ANO4: variants seen among roughly 807,000 people sequenced by gnomAD.
ANO4 encodes the protein anoctamin-4.
A neutral mutation model predicts 141.9 loss-of-function variants in ANO4; 69 were observed. The observed-to-expected ratio is 0.49, with a 90% CI of 0.40 to 0.59. The LOEUF (loss-of-function observed/expected upper bound fraction) is 0.59, where lower values mean the gene tolerates loss of function less well. Among genes scored for constraint, ANO4 ranks in the 20% least tolerant of loss-of-function variants. The probability of loss-of-function intolerance (pLI) is 0.00; values close to 1 mark genes in which losing one functional copy is unlikely to be tolerated. For synonymous variants in ANO4, 350 were observed against 394.3 expected (o/e 0.89, Z 1.33); for missense variants, 894 against 1,162.2 (o/e 0.77, Z 3.36).
intron 5 of ANO4, among the ~76,000 whole-genome samples, chr12:100,963,524 G>C (rs919138724): frequency 6.6e-6 from 1 of 152,072 alleles, no homozygotes; most frequent in African/African-American, 2.4e-5. Flanking sequence ...GTGTGTGTAT[G>C]TGTTGCAGAG....
At chr12:101,014,534 A>G (rs956681213) in intron 8 of ANO4, among the ~76,000 whole-genome samples, 1 of 152,194 alleles carries the variant, frequency 6.6e-6, no homozygotes, top group Non-Finnish European at 1.5e-5. Context: ...CTTCACACAC[A>G]TGCACACAGG....
intron 1 of ANO4, among the ~76,000 whole-genome samples, chr12:100,728,831 A>G (rs766656265): frequency 2.6e-5 from 4 of 152,174 alleles, no homozygotes; most frequent in Non-Finnish European, 5.9e-5. Context: ...ATAGTGAACT[A>G]TAATATACAT....
intron 2 of ANO4, among the ~76,000 whole-genome samples, chr12:100,903,633 T>G (rs1190943849): frequency 6.6e-6 from 1 of 152,178 alleles, no homozygotes; most frequent in East Asian, 1.9e-4. Flanking sequence ...AAGAATTGGC[T>G]TTCATTGTGG....
At chr12:100,941,957 A>AAAAATTATT (rs1395992540) in intron 4 of ANO4, among the ~76,000 whole-genome samples, 2 of 143,154 alleles carry the variant, frequency 1.4e-5, no homozygotes, top group East Asian at 2.0e-4. Flanking sequence ...CAATGAAAAA[A>AAAAATTATT]ATTATTATTA....
Position 101,097,795 on chromosome 12 carries a change from C to T in ANO4, c.1909-53C>T. On this transcript the variant is annotated intron_variant, in intron 20 of 27. Coordinates refer to ENST00000392977, the MANE Select transcript of ANO4 (RefSeq NM_001286615.2). ...CTTTGTGTAGATTATAAACCAGACA[C>T]CCTTTCTTCCTCTCCATTGATTCTG... 2.5e-6 allele frequency: 4 copies of T among 1,606,118 alleles called. No homozygotes were observed. The South Asian group carries it at 3.3e-5, about 13-fold the overall frequency.
In ANO4 at chr12:100,721,331, G is replaced by C. The variant is rs58939399; in HGVS notation, c.22+3784G>C. Among the ~76,000 whole-genome samples, 645 of 152,326 alleles carry C rather than the reference G, an allele frequency of 4.2e-3. 13 individuals are homozygous for C. In the East Asian group the frequency reaches 0.055, roughly 13 times the overall value. On this transcript the variant is annotated intron_variant, in intron 1 of 29. Transcript: ENST00000644049. ...ACAGATGGCAGAGTCAGCTGGAGGA[G>C]ACAGACTCCTAAATGGAGAATTATA...
intron 5 of ANO4, among the ~76,000 whole-genome samples, chr12:100,951,280 C>A (rs1473768611): frequency 2.0e-5 from 3 of 152,134 alleles, no homozygotes; most frequent in Non-Finnish European, 4.4e-5. Flanking sequence ...TGTGGAGATT[C>A]TTCAAAGAGC....
At chr12:100,815,461 G>A (rs1429102779) in intron 1 of ANO4, among the ~76,000 whole-genome samples, 1 of 152,088 alleles carries the variant, frequency 6.6e-6, no homozygotes, top group Non-Finnish European at 1.5e-5. Context: ...AGATCTAAAA[G>A]TCATTGTTAG....
intron 24 of ANO4, among the ~76,000 whole-genome samples, chr12:101,114,090 CA>C (rs1408021188): frequency 1.3e-5 from 2 of 152,140 alleles, no homozygotes; most frequent in Non-Finnish European, 2.9e-5. Context: ...TGGTGGGTCA[CA>C]GTGAGGGTAT....
chr12:101,106,801 A>G (rs556727545), intron 22 of ANO4, among the ~76,000 whole-genome samples: 1 of 151,962 alleles, frequency 6.6e-6, no homozygotes, highest in Admixed American at 6.6e-5. Flanking sequence ...AGTTTGTTAT[A>G]TCATTCTTTA....
chr12:101,104,654 TATATATATATATATATAAATAA>T lies in ANO4; in HGVS notation c.2149+4936_2149+4957del, dbSNP rs1205254998. ...ATATATATATATATATATATATATA[TATATATATATATATATAAATAA>T]AAAGATTTACCTTATGCTCCTTTAT... On this transcript the variant is annotated intron_variant, in intron 22 of 27. Transcript: ENST00000392977. 1.8e-3 allele frequency among the ~76,000 whole-genome samples: 119 copies of T among 65,760 alleles called. 3 individuals are homozygous for T. In the East Asian group the frequency reaches 0.024, roughly 13 times the overall value. The allele number at this position is 65,760 out of a possible 152,430, so 43.1% of individuals were successfully genotyped here.
rs767939546 is a variant in ANO4 at position 100,773,958 on chromosome 12, G to A, written c.358+33853G>A. Among the ~76,000 whole-genome samples the A allele has an allele frequency of 7.9e-5, 12 of 152,084 alleles. 1 individual carries two copies. The highest frequency in any genetic ancestry group is 5.9e-4 in the Admixed American group (9 of 15,272). ...TTTGTAAATAAAACTTTATTGGAACGTAACCATGCTCATTTGTTTTCATAT... is the reference window on the plus strand; with the variant it reads ...TTTGTAAATAAAACTTTATTGGAACATAACCATGCTCATTTGTTTTCATAT... On this transcript the variant is annotated intron_variant, in intron 3 of 29. Transcript: ENST00000644049.
intron 1 of ANO4, among the ~76,000 whole-genome samples, chr12:100,728,750 C>T (rs978247210): frequency 6.6e-6 from 1 of 152,092 alleles, no homozygotes; most frequent in Non-Finnish European, 1.5e-5. Context: ...TTCCTAGGTA[C>T]TTTTACAGAA....
At chr12:100,806,568 A>T (rs2035067907) in intron 1 of ANO4, among the ~76,000 whole-genome samples, 2 of 39,410 alleles carry the variant, frequency 5.1e-5, no homozygotes, top group African/African-American at 1.1e-4. Context: ...TTTGTGAGAC[A>T]GAGTCTCGCT....
rs137872976 is a variant in ANO4, at chr12:101,113,639, A to C, written c.2450+1929A>C. ...CACTGGCCACTCTATTACTTTTCAGATTTTTTTTATTTTTCCAATTTAGAA... is the reference window on the plus strand; with the variant it reads ...CACTGGCCACTCTATTACTTTTCAGCTTTTTTTTATTTTTCCAATTTAGAA... On this transcript the variant is annotated intron_variant, in intron 24 of 27. Transcript: ENST00000392977. 1.2e-3 allele frequency among the ~76,000 whole-genome samples: 182 copies of C among 152,026 alleles called. 1 individual carries two copies. The highest frequency in any genetic ancestry group is 4.0e-3 in the African/African-American group (165 of 41,456).
At chr12:100,863,945 C>T (rs2038617135) in intron 1 of ANO4, among the ~76,000 whole-genome samples, 1 of 152,168 alleles carries the variant, frequency 6.6e-6, no homozygotes, top group Non-Finnish European at 1.5e-5. Flanking sequence ...AAAGAAAATT[C>T]CTTCAGGCAC....
chr12:101,075,345 G>A (rs945093480), intron 14 of ANO4, among the ~76,000 whole-genome samples: 1 of 152,074 alleles, frequency 6.6e-6, no homozygotes, highest in East Asian at 1.9e-4. Flanking sequence ...TATTCTATAG[G>A]TGATGTGGCT....
At chr12:101,108,425 G>A (rs1593290541) in intron 22 of ANO4, among the ~76,000 whole-genome samples, 1 of 152,042 alleles carries the variant, frequency 6.6e-6, no homozygotes, top group East Asian at 1.9e-4. Context: ...AACTTGTTTT[G>A]GGCAAGTTAC....
In ANO4 at chr12:101,020,329, C is replaced by T. The variant is rs370300246; in HGVS notation, c.841+189C>T. Among the ~76,000 whole-genome samples the T allele has an allele frequency of 7.2e-5, 11 of 152,272 alleles. No homozygotes were observed. In the East Asian group the frequency reaches 9.6e-4, roughly 13 times the overall value. Reference sequence around the variant, plus strand: ...ATCCTTAAATATCTTCTTTAAATAGCATGTTGTCTCATTTGTCTAAGATCA... The same window carrying T: ...ATCCTTAAATATCTTCTTTAAATAGTATGTTGTCTCATTTGTCTAAGATCA... On this transcript the variant is annotated intron_variant, in intron 9 of 27. Transcript: ENST00000392977.
Sources: allele counts gnomAD v4.1 joint callset (sites outside exome capture counted in the v4.1 genomes callset), GRCh38; gene constraint gnomAD v4.1.1; transcripts MANE v1.5; gene names NCBI Gene and HGNC (gene_info 2026-07-23, HGNC 2026-07-21).